The following SUPT3H variants were observed in gnomAD, a reference collection of about 807,000 sequenced individuals.
SUPT3H encodes transcription initiation protein SPT3 homolog.
Under a neutral mutation model 44.3 loss-of-function variants are expected in SUPT3H, and 44 were observed. The ratio of observed to expected loss-of-function variants is 0.99; its 90% CI spans 0.78 to 1.28. The LOEUF is 1.28. SUPT3H is among the 50% of genes most tolerant of loss of function. The pLI is 0.00. For missense variants in SUPT3H, 380 were observed against 387.1 expected (o/e 0.98, Z 0.15); for synonymous variants, 124 against 125.6 (o/e 0.99, Z 0.09).
At chr6:45,295,548 A>ACAC (rs371813364) in intron 2 of SUPT3H, among the ~76,000 whole-genome samples, 22 of 90,246 alleles carry the variant, frequency 2.4e-4, no homozygotes, top group Admixed American at 1.7e-3. Flanking sequence ...AAAAAAAAAA[A>ACAC]AAAAAACAGC....
In SUPT3H at chr6:44,878,494, G is replaced by A. The variant is rs528707193; in HGVS notation, c.913-48637C>T. On this transcript the variant is annotated intron_variant, in intron 10 of 10. Coordinates refer to ENST00000371459, the MANE Select transcript of SUPT3H (RefSeq NM_003599.4). ...TGAGAGTTTTGAGAAATAGAAGATC[G>A]TGTTGAAGTTACTGTGTATGTGTGT... 7.9e-5 allele frequency among the ~76,000 whole-genome samples: 12 copies of A among 151,798 alleles called. No individual in the cohort carries two copies. In the South Asian group the frequency reaches 2.1e-3, roughly 26 times the overall value.
At chr6:45,272,366 G>T (rs973830350) in intron 2 of SUPT3H, among the ~76,000 whole-genome samples, 1 of 152,082 alleles carries the variant, frequency 6.6e-6, no homozygotes, top group South Asian at 2.1e-4. Flanking sequence ...TGCTGTTCTT[G>T]TGATAGTGAG....
At chr6:45,021,460 C>T (rs974231687) in intron 3 of SUPT3H, among the ~76,000 whole-genome samples, 9 of 151,658 alleles carry the variant, frequency 5.9e-5, no homozygotes, top group African/African-American at 4.8e-5. Flanking sequence ...ACATAAAATA[C>T]GCCCATCTGA....
chr6:44,811,058 A>C (rs917986581), intron 11 of SUPT3H, among the ~76,000 whole-genome samples: 1 of 152,188 alleles, frequency 6.6e-6, no homozygotes, highest in Non-Finnish European at 1.5e-5. Context: ...AAATATTGGT[A>C]TGTTATTTCC....
chr6:44,999,766 T>A (rs1186021387), intron 6 of SUPT3H, among the ~76,000 whole-genome samples: 1 of 152,078 alleles, frequency 6.6e-6, no homozygotes, highest in African/African-American at 2.4e-5. Flanking sequence ...AAGCTTTCAA[T>A]GCTCTGGAAT....
chr6:45,028,693 G>A (rs191965335), intron 3 of SUPT3H, among the ~76,000 whole-genome samples: 1 of 151,946 alleles, frequency 6.6e-6, no homozygotes, highest in African/African-American at 2.4e-5. Flanking sequence ...GCAAACTTAT[G>A]AGAGATGTCC....
downstream of SUPT3H, among the ~76,000 whole-genome samples, chr6:44,825,496 CA>C (rs1167695630): frequency 1.3e-5 from 2 of 152,146 alleles, no homozygotes; most frequent in African/African-American, 4.8e-5. Context: ...GTGCTGGGTA[CA>C]AAAGCCAGCT....
intron 2 of SUPT3H, among the ~76,000 whole-genome samples, chr6:45,227,540 T>C (rs558355125): frequency 2.0e-4 from 30 of 152,268 alleles, no homozygotes; most frequent in African/African-American, 6.5e-4. Flanking sequence ...CCAGGCTCCC[T>C]CCAAAAAAGA....
At chr6:45,332,956 T>C (rs1335261170) in intron 2 of SUPT3H, among the ~76,000 whole-genome samples, 1 of 151,634 alleles carries the variant, frequency 6.6e-6, no homozygotes. Context: ...TGAAGATAGA[T>C]AAAATTCTGC....
At chr6:44,819,778 AAAAAAG>A (rs1310523365) in intron 11 of SUPT3H, among the ~76,000 whole-genome samples, 1 of 152,034 alleles carries the variant, frequency 6.6e-6, no homozygotes, top group East Asian at 1.9e-4. Context: ...CCTGTATCAA[AAAAAAG>A]AAAAAAGGAA....
intron 4 of SUPT3H, among the ~76,000 whole-genome samples, chr6:45,015,286 C>T (rs1784076604): frequency 6.6e-6 from 1 of 152,076 alleles, no homozygotes; most frequent in Non-Finnish European, 1.5e-5. Context: ...GGGCTACAAA[C>T]TGGTATGCAA....
At chr6:45,153,943 G>T (rs1232987054) in intron 2 of SUPT3H, among the ~76,000 whole-genome samples, 1 of 151,914 alleles carries the variant, frequency 6.6e-6, no homozygotes, top group Non-Finnish European at 1.5e-5. Context: ...GCTAGTGCAT[G>T]CCTGTAGACC....
chr6:45,032,682 C>T (rs1204736105), intron 3 of SUPT3H, among the ~76,000 whole-genome samples: 1 of 152,080 alleles, frequency 6.6e-6, no homozygotes, highest in Non-Finnish European at 1.5e-5. Context: ...ACCTCATAAC[C>T]TTCATAAATA....
intron 2 of SUPT3H, among the ~76,000 whole-genome samples, chr6:45,250,489 G>C (rs1772173455): frequency 6.6e-6 from 1 of 151,674 alleles, no homozygotes; most frequent in Non-Finnish European, 1.5e-5. Context: ...TAATCTCCTA[G>C]AAAGTAAAAC....
rs958528152 is a variant in SUPT3H, at chr6:45,053,578, C to T, written c.187-32946G>A. Among the ~76,000 whole-genome samples the T allele has an allele frequency of 2.0e-5, 3 of 151,396 alleles. No homozygotes were observed. The East Asian group carries it at 5.8e-4, about 29-fold the overall frequency. On this transcript the variant is annotated intron_variant, in intron 3 of 10. Coordinates refer to ENST00000371459, the MANE Select transcript of SUPT3H (RefSeq NM_003599.4). ...TCTCATTTCTCCTTCACCCTTCATC[C>T]CTAAAGCAGGCTATAAAACCTAAAA...
rs1393310076 is a variant in SUPT3H, at chr6:44,954,388, A to C, written c.693+107T>G. On this transcript the variant is annotated intron_variant, in intron 8 of 10. Transcript: ENST00000371459. ...ATGTAAATGCCACAGGAGAGAATTC[A>C]TGGCTGTTATTACTGGTAGAGCAGC... 4 of 838,694 alleles carry C rather than the reference A, an allele frequency of 4.8e-6. No homozygotes were observed. In the African/African-American group the frequency reaches 5.0e-5, roughly 11 times the overall value. The allele number at this position is 838,694 out of a possible 1,614,324, so 52.0% of individuals were successfully genotyped here.
At chr6:45,159,308 C>T (rs1456812865) in intron 2 of SUPT3H, 3 of 152,196 alleles carry the variant, frequency 2.0e-5, no homozygotes, top group Non-Finnish European at 4.4e-5. Flanking sequence ...CACACCTGAA[C>T]GTAACTGGCT....
intron 6 of SUPT3H, among the ~76,000 whole-genome samples, chr6:44,963,855 C>T (rs1208280633): frequency 6.6e-6 from 1 of 151,552 alleles, no homozygotes; most frequent in African/African-American, 2.4e-5. Flanking sequence ...AAATATTAGC[C>T]GGGTGTGGTT....
rs1010118190 is a variant in SUPT3H, at chr6:44,878,035, T to C, written c.913-48178A>G. Among the ~76,000 whole-genome samples, 7 of 152,202 alleles carry C rather than the reference T, an allele frequency of 4.6e-5. No homozygotes were observed. The East Asian group carries it at 5.8e-4, about 13-fold the overall frequency. ...CATTTGGTGAAGCATTAAAGCTATT[T>C]TGACACCCAACTAAAGGAGTCCTTC... is the stretch of plus-strand genomic sequence containing the variant. On this transcript the variant is annotated intron_variant, in intron 10 of 10. Coordinates refer to ENST00000371459, the MANE Select transcript of SUPT3H (RefSeq NM_003599.4).
Sources: allele counts gnomAD v4.1 joint callset (sites outside exome capture counted in the v4.1 genomes callset), GRCh38; gene constraint gnomAD v4.1.1; transcripts MANE v1.5; gene names NCBI Gene and HGNC (gene_info 2026-07-23, HGNC 2026-07-21).